The following TTC28 variants were observed in gnomAD, a reference collection of about 807,000 sequenced individuals.
TTC28 encodes the protein tetratricopeptide repeat protein 28.
TTC28 carries 61 observed loss-of-function variants against 198.0 expected under a neutral mutation model. That is an observed-to-expected ratio of 0.31 (90% confidence interval 0.25 to 0.38). The LOEUF (loss-of-function observed/expected upper bound fraction) is 0.38. Ranked by LOEUF, TTC28 falls within the 10% of genes least tolerant of loss-of-function variation. The pLI is 1.00. For missense variants in TTC28, 2,678 were observed against 3,164.0 expected (o/e 0.85, Z 3.69); for synonymous variants, 1,171 against 1,297.8 (o/e 0.90, Z 2.10).
At chr22:28,638,216 G>A (rs964083056) in intron 1 of TTC28, among the ~76,000 whole-genome samples, 2 of 151,998 alleles carry the variant, frequency 1.3e-5, no homozygotes, top group Non-Finnish European at 2.9e-5. Context: ...CAACAGACAT[G>A]TACAGAACAT....
intron 2 of TTC28, among the ~76,000 whole-genome samples, chr22:28,501,112 G>A (rs1417207455): frequency 6.6e-6 from 1 of 152,124 alleles, no homozygotes; most frequent in African/African-American, 2.4e-5. Flanking sequence ...CCTACTATAT[G>A]CCAAGCACAG....
intron 5 of TTC28, among the ~76,000 whole-genome samples, chr22:28,251,498 C>T (rs1469478007): frequency 2.0e-5 from 3 of 152,048 alleles, no homozygotes; most frequent in Non-Finnish European, 4.4e-5. Context: ...AGTACAGCTA[C>T]AAAACTGGAA....
At chr22:28,296,403 T>C (rs773849535) in intron 4 of TTC28, 75 bp from the exon 5 acceptor site, 106 of 1,231,274 alleles carry the variant, frequency 8.6e-5, no homozygotes, top group Non-Finnish European at 1.0e-4. Flanking sequence ...ATAATGGTCA[T>C]CTTAATTTAA....
chr22:28,555,459 A>G (rs1463776408), intron 2 of TTC28, among the ~76,000 whole-genome samples: 1 of 152,240 alleles, frequency 6.6e-6, no homozygotes, highest in East Asian at 1.9e-4. Context: ...CCATCAATCA[A>G]TGAGCAGATA....
intron 14 of TTC28, among the ~76,000 whole-genome samples, chr22:28,010,934 A>G (rs1000855671): frequency 6.6e-6 from 1 of 152,198 alleles, no homozygotes; most frequent in Admixed American, 6.5e-5. Context: ...CAGGCCTTGT[A>G]ACAGCTGCTG....
At chr22:28,532,601 C>CA (rs993050905) in intron 2 of TTC28, among the ~76,000 whole-genome samples, 6 of 151,948 alleles carry the variant, frequency 3.9e-5, no homozygotes, top group African/African-American at 1.5e-4. Context: ...AGAGACACAA[C>CA]AAAAAAAGAG....
intron 2 of TTC28, among the ~76,000 whole-genome samples, chr22:28,485,825 T>C (rs2048308477): frequency 6.6e-6 from 1 of 152,146 alleles, no homozygotes; most frequent in African/African-American, 2.4e-5. Context: ...AGAAACTGCA[T>C]TTCTGGTTAT....
chr22:28,113,424 C>T (rs767387259), intron 6 of TTC28, among the ~76,000 whole-genome samples: 3 of 152,168 alleles, frequency 2.0e-5, no homozygotes, highest in Non-Finnish European at 1.5e-5. Flanking sequence ...AAGGCCCTCC[C>T]ATGGGTTCAC....
chr22:28,146,821 T>TA (rs1943480936), intron 6 of TTC28, among the ~76,000 whole-genome samples: 1 of 152,138 alleles, frequency 6.6e-6, no homozygotes, highest in Non-Finnish European at 1.5e-5. Context: ...TTTTTTTTTT[T>TA]CTTGCCACTG....
intron 12 of TTC28, among the ~76,000 whole-genome samples, chr22:28,054,526 AG>A (rs2146714584): frequency 6.6e-6 from 1 of 152,252 alleles, no homozygotes; most frequent in East Asian, 1.9e-4. Context: ...AGGATAAGAG[AG>A]GGGTGTTGCC....
Position 27,982,142 on chromosome 22 carries a change from C to G in TTC28, c.*79G>C. The G allele has an allele frequency of 2.2e-6, 3 of 1,379,784 alleles. No individual in the cohort carries two copies. Among genetic ancestry groups the G allele is most frequent in the Non-Finnish European group, 2.9e-6 (3 of 1,038,314 alleles). 85.5% of individuals were successfully genotyped at this position (1,379,784 alleles called of 1,614,324 possible). On this transcript the variant is annotated 3_prime_UTR_variant, in exon 23 of 23. Transcript: ENST00000397906. The surrounding 1 kb of genome is among the most constrained non-coding windows in gnomAD (Gnocchi z 5.2). ...GAGGGTGCTGGTGGCTGTGGGGGGACTGCACTCAGGGAAGGGCTGAAGCAA... is the reference window on the plus strand; with the variant it reads ...GAGGGTGCTGGTGGCTGTGGGGGGAGTGCACTCAGGGAAGGGCTGAAGCAA...
rs1199669788 is a variant in TTC28, at chr22:28,477,155, T to C, written c.381+152397A>G. Among the ~76,000 whole-genome samples the C allele has an allele frequency of 2.0e-5, 3 of 152,244 alleles. No homozygotes were observed. In the South Asian group the frequency reaches 6.2e-4, roughly 31 times the overall value. On this transcript the variant is annotated intron_variant, in intron 2 of 22. Transcript: ENST00000397906. ...TACAAAGGGACATGAAGGCACTTTA[T>C]AAGGTGATGAAATGTTCAACATCTT...
At chr22:28,488,713 G>A (rs1054950460) in intron 2 of TTC28, among the ~76,000 whole-genome samples, 4 of 152,086 alleles carry the variant, frequency 2.6e-5, no homozygotes, top group Non-Finnish European at 5.9e-5. Context: ...AGCTCTAAGG[G>A]TGTAAAAAAG....
At chr22:28,422,134 G>A (rs932440250) in intron 2 of TTC28, among the ~76,000 whole-genome samples, 1 of 152,116 alleles carries the variant, frequency 6.6e-6, no homozygotes, top group Non-Finnish European at 1.5e-5. Context: ...AATCAGCAGA[G>A]CACAAAATGT....
intron 2 of TTC28, among the ~76,000 whole-genome samples, chr22:28,362,398 T>C (rs2046173253): frequency 6.6e-6 from 1 of 151,514 alleles, no homozygotes; most frequent in Non-Finnish European, 1.5e-5. Flanking sequence ...GAACTGCAAG[T>C]CCATTGAACC....
chr22:28,432,455 CT>C (rs2047447927), intron 2 of TTC28, among the ~76,000 whole-genome samples: 1 of 151,952 alleles, frequency 6.6e-6, no homozygotes, highest in Non-Finnish European at 1.5e-5. Flanking sequence ...ATAGATTCAC[CT>C]TAAAAAATAA....
chr22:28,577,309 T>G (rs2146043628), intron 2 of TTC28, among the ~76,000 whole-genome samples: 1 of 152,298 alleles, frequency 6.6e-6, no homozygotes, highest in South Asian at 2.1e-4. Flanking sequence ...ATTTCCAGTT[T>G]TATTCCATTG....
chr22:28,050,629 C>T (rs1169917481), intron 12 of TTC28, among the ~76,000 whole-genome samples: 1 of 152,116 alleles, frequency 6.6e-6, no homozygotes, highest in African/African-American at 2.4e-5. Flanking sequence ...TTAGAGAGAC[C>T]TGCCTGAGTC....
At chr22:27,999,438 C>T in intron 15 of TTC28, 178 bp from the exon 16 acceptor site, 1 of 938,772 alleles carries the variant, frequency 1.1e-6, no homozygotes, top group Non-Finnish European at 1.5e-6. Context: ...AGGTGCCTAA[C>T]TTACTGAGAA....
Sources: gnomAD v4.1 joint callset for allele counts (sites outside exome capture counted in the v4.1 genomes callset) on GRCh38, gnomAD v4.1.1 for gene constraint, Gnocchi (gnomAD v3.1) non-coding constraint, MANE v1.5 for transcripts, NCBI Gene and HGNC (gene_info 2026-07-23, HGNC 2026-07-21) for gene names.